The following ADAMTS12 variants were observed in gnomAD, a reference collection of about 807,000 sequenced individuals.
ADAMTS12 encodes A disintegrin and metalloproteinase with thrombospondin motifs 12.
A neutral mutation model predicts 167.8 loss-of-function variants in ADAMTS12; 118 were observed. The observed-to-expected ratio is 0.70, with a 90% CI of 0.61 to 0.82. The LOEUF (loss-of-function observed/expected upper bound fraction) is 0.82, where lower values mean the gene tolerates loss of function less well. ADAMTS12 is among the 40% of genes least tolerant of loss of function. The probability of loss-of-function intolerance (pLI) is 0.00; values close to 1 mark genes in which losing one functional copy is unlikely to be tolerated. For missense variants in ADAMTS12, 1,916 were observed against 1,998.8 expected, an observed-to-expected ratio of 0.96 and a Z score of 0.79; for synonymous variants, 704 against 716.9, an observed-to-expected ratio of 0.98 and a Z score of 0.29.
chr5:33,704,295 G>A (rs76685589), intron 3 of ADAMTS12, among the ~76,000 whole-genome samples: 20,710 of 152,112 alleles, frequency 0.14, 1,691 homozygotes, highest in South Asian at 0.36. Flanking sequence ...TGTGAATAAT[G>A]CTGCAATGAA....
chr5:33,874,513 C>T (rs144698586), intron 2 of ADAMTS12, among the ~76,000 whole-genome samples: 319 of 152,306 alleles, frequency 2.1e-3, no homozygotes, highest in African/African-American at 7.2e-3. Flanking sequence ...CTTTGGAAGA[C>T]AATTTGGCTG....
At chr5:33,718,847 T>C (rs1743704447) in intron 3 of ADAMTS12, among the ~76,000 whole-genome samples, 1 of 152,190 alleles carries the variant, frequency 6.6e-6, no homozygotes, top group Non-Finnish European at 1.5e-5. Context: ...AAATATTGCA[T>C]GCACTTGCCT....
intron 19 of ADAMTS12, among the ~76,000 whole-genome samples, chr5:33,575,009 T>C (rs962728138): frequency 2.0e-5 from 3 of 152,194 alleles, no homozygotes; most frequent in Non-Finnish European, 2.9e-5. Context: ...TGAGAAATGA[T>C]TTTGATGCTT....
chr5:33,779,686 A>T (rs1746050505), intron 2 of ADAMTS12, among the ~76,000 whole-genome samples: 1 of 152,198 alleles, frequency 6.6e-6, no homozygotes. Context: ...GATGAACCTG[A>T]AGGACATTAT....
chr5:33,664,428 C>A (rs1741393055), intron 5 of ADAMTS12, among the ~76,000 whole-genome samples: 1 of 152,036 alleles, frequency 6.6e-6, no homozygotes, highest in South Asian at 2.1e-4. Context: ...GGAAAGACAG[C>A]CTTTTCAATA....
At chr5:33,720,441 GATGGTAACCATCAACAATAA>G (rs929973973) in intron 3 of ADAMTS12, among the ~76,000 whole-genome samples, 11 of 152,208 alleles carry the variant, frequency 7.2e-5, no homozygotes, top group East Asian at 5.8e-4. Context: ...TCAATTATTT[GATGGTAACCATCAACAATAA>G]ATGCTAAATA....
At chr5:33,873,149 T>A (rs1458596076) in intron 2 of ADAMTS12, among the ~76,000 whole-genome samples, 2 of 147,918 alleles carry the variant, frequency 1.4e-5, no homozygotes, top group Admixed American at 1.4e-4. Flanking sequence ...ACAGATGACG[T>A]GAATGCTATG....
intron 3 of ADAMTS12, among the ~76,000 whole-genome samples, chr5:33,739,921 T>A (rs1006533669): frequency 2.0e-5 from 3 of 152,250 alleles, no homozygotes; most frequent in Non-Finnish European, 4.4e-5. Flanking sequence ...GATGCCAGTG[T>A]GTACAAGCCC....
At chr5:33,825,543 C>T (rs560769992) in intron 2 of ADAMTS12, among the ~76,000 whole-genome samples, 4 of 152,226 alleles carry the variant, frequency 2.6e-5, no homozygotes, top group African/African-American at 9.6e-5. Context: ...AGATGCTACA[C>T]AAACCCAAAA....
At chr5:33,801,848 G>A (rs1747022031) in intron 2 of ADAMTS12, among the ~76,000 whole-genome samples, 1 of 152,188 alleles carries the variant, frequency 6.6e-6, no homozygotes, top group Non-Finnish European at 1.5e-5. Context: ...TGATCCCAGT[G>A]CCAAATCATT....
intron 22 of ADAMTS12, among the ~76,000 whole-genome samples, chr5:33,538,184 C>T (rs552764324): frequency 1.3e-5 from 2 of 152,238 alleles, no homozygotes; most frequent in East Asian, 1.9e-4. Context: ...CTGGGGAGGC[C>T]TCAGGAAACT....
At chr5:33,841,214 G>A (rs896162961) in intron 2 of ADAMTS12, among the ~76,000 whole-genome samples, 2 of 152,318 alleles carry the variant, frequency 1.3e-5, no homozygotes, top group Middle Eastern at 3.4e-3. Flanking sequence ...AGGCCCTGCT[G>A]CAGCTCCCTC....
intron 22 of ADAMTS12, 79 bp from the exon 23 acceptor site, chr5:33,535,071 C>T (rs578046779): frequency 1.4e-5 from 20 of 1,407,414 alleles, no homozygotes; most frequent in Middle Eastern, 2.6e-4. Flanking sequence ...CCTCCAATCC[C>T]ACTGTGGTCA....
At chr5:33,699,812 A>G (rs918170366) in intron 3 of ADAMTS12, among the ~76,000 whole-genome samples, 4 of 152,216 alleles carry the variant, frequency 2.6e-5, no homozygotes, top group African/African-American at 4.8e-5. Context: ...TTCAAACTAT[A>G]TATTTAACAA....
At chr5:33,604,034 T>G (rs992201842) in intron 16 of ADAMTS12, among the ~76,000 whole-genome samples, 1 of 152,164 alleles carries the variant, frequency 6.6e-6, no homozygotes, top group Non-Finnish European at 1.5e-5. Context: ...AATATAAGTA[T>G]AAATTTATAT....
At chr5:33,886,370 C>T (rs1365123045) in intron 1 of ADAMTS12, among the ~76,000 whole-genome samples, 5 of 152,162 alleles carry the variant, frequency 3.3e-5, no homozygotes, top group Non-Finnish European at 7.4e-5. Flanking sequence ...TCACAACAAC[C>T]CTGTGATAGA....
intron 3 of ADAMTS12, among the ~76,000 whole-genome samples, chr5:33,700,556 T>C (rs1278673683): frequency 6.6e-6 from 1 of 152,104 alleles, no homozygotes; most frequent in Non-Finnish European, 1.5e-5. Flanking sequence ...GAGGTGGGTA[T>C]GGTTATAAAA....
chr5:33,628,139 A>T (rs1459344571), intron 13 of ADAMTS12, among the ~76,000 whole-genome samples: 1 of 152,086 alleles, frequency 6.6e-6, no homozygotes, highest in Non-Finnish European at 1.5e-5. Flanking sequence ...TTTAGAAGGA[A>T]ATTCAGCCAA....
rs187686890 is a variant in ADAMTS12, at chr5:33,619,905, G to A, written c.2144-3833C>T. ...AGACAGGGTTTCACCACGTTGGCCA[G>A]GATGGTCTCGATCTCTTGACCTCGT... On this transcript the variant is annotated intron_variant, in intron 14 of 23. Transcript: ENST00000504830. 1.6e-4 allele frequency among the ~76,000 whole-genome samples: 24 copies of A among 152,298 alleles called. No homozygotes were observed. The East Asian group carries it at 4.6e-3, about 29-fold the overall frequency.
Sources: allele counts gnomAD v4.1 joint callset (sites outside exome capture counted in the v4.1 genomes callset), GRCh38; gene constraint gnomAD v4.1.1; transcripts MANE v1.5; gene names NCBI Gene and HGNC (gene_info 2026-07-23, HGNC 2026-07-21).